The following CFAP299 variants were observed in gnomAD, a reference collection of about 807,000 sequenced individuals.
CFAP299 encodes the protein cilia- and flagella-associated protein 299.
A neutral mutation model predicts 27.0 loss-of-function variants in CFAP299; 21 were observed. That is an observed-to-expected ratio of 0.78 (90% confidence interval 0.55 to 1.12). The LOEUF is 1.12. CFAP299 is among the 50% of genes most tolerant of loss of function. CFAP299 has a pLI of 0.00. For synonymous variants in CFAP299, 104 were observed against 98.1 expected (o/e 1.06, Z -0.36); for missense variants, 310 against 276.6 (o/e 1.12, Z -0.86).
At chr4:80,428,615 C>T (rs1727641310) in intron 2 of CFAP299, among the ~76,000 whole-genome samples, 4 of 151,936 alleles carry the variant, frequency 2.6e-5, no homozygotes, top group Admixed American at 1.3e-4. Flanking sequence ...CAACCTCTGC[C>T]TCCTGGGTTC....
intron 1 of CFAP299, among the ~76,000 whole-genome samples, chr4:80,347,273 C>G (rs1268516676): frequency 6.6e-6 from 1 of 152,140 alleles, no homozygotes; most frequent in Non-Finnish European, 1.5e-5. Context: ...AATTCTTTCT[C>G]TTGCTTGACT....
chr4:80,778,803 A>G (rs551243653), intron 3 of CFAP299, among the ~76,000 whole-genome samples: 1 of 152,078 alleles, frequency 6.6e-6, no homozygotes, highest in Non-Finnish European at 1.5e-5. Flanking sequence ...ATAGCACAAT[A>G]TTACAAGCAG....
At chr4:80,442,176 C>T (rs1391229205) in intron 2 of CFAP299, among the ~76,000 whole-genome samples, 1 of 152,150 alleles carries the variant, frequency 6.6e-6, no homozygotes, top group Non-Finnish European at 1.5e-5. Flanking sequence ...CAAGGATATT[C>T]AGGACTTGAA....
At chr4:80,435,475 GAAC>G (rs1281697629) in intron 2 of CFAP299, among the ~76,000 whole-genome samples, 3 of 152,118 alleles carry the variant, frequency 2.0e-5, no homozygotes, top group Non-Finnish European at 4.4e-5. Flanking sequence ...TATGGATAAA[GAAC>G]AACAACATGG....
intron 2 of CFAP299, among the ~76,000 whole-genome samples, chr4:80,543,398 G>A (rs945131730): frequency 2.0e-5 from 3 of 152,160 alleles, no homozygotes; most frequent in African/African-American, 7.2e-5. Context: ...TCAGAATCTG[G>A]ACAGCAAGGA....
chr4:80,858,017 G>T (rs1360866576), intron 3 of CFAP299, among the ~76,000 whole-genome samples: 2 of 152,010 alleles, frequency 1.3e-5, no homozygotes, highest in Non-Finnish European at 2.9e-5. Flanking sequence ...GTAGAATTCG[G>T]CTGTGAATCC....
chr4:80,446,746 C>T (rs1728633382), intron 2 of CFAP299, among the ~76,000 whole-genome samples: 1 of 152,198 alleles, frequency 6.6e-6, no homozygotes, highest in Non-Finnish European at 1.5e-5. Context: ...CACCTGGTAG[C>T]ATTACAGTCT....
intron 3 of CFAP299, among the ~76,000 whole-genome samples, chr4:80,838,708 C>T (rs144292747): frequency 0.01 from 1,580 of 152,098 alleles, 25 homozygotes; most frequent in African/African-American, 0.035. Context: ...ATGCCTCCAG[C>T]CTTATTCTTT....
At chr4:80,791,730 CAG>C (rs556945541) in intron 3 of CFAP299, among the ~76,000 whole-genome samples, 4 of 151,970 alleles carry the variant, frequency 2.6e-5, no homozygotes, top group African/African-American at 9.6e-5. Context: ...GTGAAGATTT[CAG>C]AGAGTTAACC....
the CFAP299 span, among the ~76,000 whole-genome samples, chr4:80,329,208 CATATATAT>C: frequency 1.5e-5 from 2 of 136,042 alleles, no homozygotes; most frequent in East Asian, 2.1e-4. Context: ...ACACTGTATA[CATATATAT>C]ATATATATAT....
chr4:80,488,728 G>C (rs1028916567), intron 2 of CFAP299, among the ~76,000 whole-genome samples: 8 of 152,114 alleles, frequency 5.3e-5, no homozygotes, highest in Admixed American at 3.3e-4. Context: ...CGCCCACCTT[G>C]GCCTCCCAAA....
intron 3 of CFAP299, among the ~76,000 whole-genome samples, chr4:80,781,478 G>A (rs1726875371): frequency 6.6e-6 from 1 of 152,016 alleles, no homozygotes; most frequent in African/African-American, 2.4e-5. Context: ...AAAGGAATGG[G>A]TTTCATAAAA....
intron 2 of CFAP299, among the ~76,000 whole-genome samples, chr4:80,529,838 A>C (rs1733381171): frequency 6.6e-6 from 1 of 152,134 alleles, no homozygotes; most frequent in South Asian, 2.1e-4. Context: ...AGTAGGTAAC[A>C]CATCAAATCT....
intron 2 of CFAP299, among the ~76,000 whole-genome samples, chr4:80,531,482 C>A (rs1217839504): frequency 6.6e-6 from 1 of 152,206 alleles, no homozygotes; most frequent in Non-Finnish European, 1.5e-5. Context: ...GCACCACCTA[C>A]AGTTGATATA....
intron 3 of CFAP299, among the ~76,000 whole-genome samples, chr4:80,848,097 G>T (rs766438080): frequency 1.3e-5 from 2 of 151,976 alleles, no homozygotes; most frequent in African/African-American, 2.4e-5. Flanking sequence ...CGTAGTGCCA[G>T]CTACTCGGGA....
chr4:80,724,927 T>A (rs1723066135), intron 3 of CFAP299, among the ~76,000 whole-genome samples: 1 of 149,570 alleles, frequency 6.7e-6, no homozygotes, highest in African/African-American at 2.5e-5. Flanking sequence ...TTCTTTCTTC[T>A]TTCTTTCTCC....
At chr4:80,781,167 T>C (rs139301439) in intron 3 of CFAP299, among the ~76,000 whole-genome samples, 3 of 152,184 alleles carry the variant, frequency 2.0e-5, no homozygotes, top group African/African-American at 7.2e-5. Context: ...AATCCTGTTT[T>C]GAGGTACAAA....
At chr4:80,659,715 A>G (rs1223445718) in intron 3 of CFAP299, among the ~76,000 whole-genome samples, 1 of 152,104 alleles carries the variant, frequency 6.6e-6, no homozygotes, top group African/African-American at 2.4e-5. Context: ...ACTACTCTGA[A>G]AAATAAATTG....
chr4:80,959,308 A>C (rs923589514), intron 5 of CFAP299, among the ~76,000 whole-genome samples: 3 of 152,160 alleles, frequency 2.0e-5, no homozygotes, highest in Non-Finnish European at 2.9e-5. Flanking sequence ...GAAATTTAGT[A>C]AGTGTACATA....
Sources: allele counts gnomAD v4.1 joint callset (sites outside exome capture counted in the v4.1 genomes callset), GRCh38; gene constraint gnomAD v4.1.1; transcripts MANE v1.5; gene names NCBI Gene and HGNC (gene_info 2026-07-23, HGNC 2026-07-21).